Variants in MITF observed in about 807,000 individuals in gnomAD.
The protein encoded by MITF is melanocyte inducing transcription factor, also known as microphthalmia-associated transcription factor.
MITF carries 17 observed loss-of-function variants against 60.5 expected under a neutral mutation model. The ratio of observed to expected loss-of-function variants is 0.28; its 90% CI spans 0.19 to 0.42. The LOEUF is 0.42. MITF is among the 10% of genes least tolerant of loss of function. The probability of loss-of-function intolerance (pLI) is 1.00; values close to 1 mark genes in which losing one functional copy is unlikely to be tolerated. For missense variants in MITF, 622 were observed against 683.5 expected, an observed-to-expected ratio of 0.91 and a Z score of 1.00; for synonymous variants, 260 against 248.5, an observed-to-expected ratio of 1.05 and a Z score of -0.43.
At chr3:69,904,969 GT>G (rs1340635284) in intron 2 of MITF, among the ~76,000 whole-genome samples, 1 of 152,108 alleles carries the variant, frequency 6.6e-6, no homozygotes, top group Non-Finnish European at 1.5e-5. Context: ...ATTTTTAAAA[GT>G]TTTATTGAAG....
intron 1 of MITF, among the ~76,000 whole-genome samples, chr3:69,821,283 A>T (rs2063266963): frequency 6.6e-6 from 1 of 152,190 alleles, no homozygotes; most frequent in African/African-American, 2.4e-5. Context: ...ATACACATTA[A>T]ATGGGTTATA....
chr3:69,789,093 G>T (rs2062698295), intron 1 of MITF, among the ~76,000 whole-genome samples: 1 of 151,952 alleles, frequency 6.6e-6, no homozygotes, highest in Non-Finnish European at 1.5e-5. Flanking sequence ...AATTGACATA[G>T]GACAGTCTTC....
At chr3:69,776,052 A>G (rs537037649) in intron 1 of MITF, among the ~76,000 whole-genome samples, 82 of 152,346 alleles carry the variant, frequency 5.4e-4, no homozygotes, top group African/African-American at 1.9e-3. Context: ...GAAGAGTTTT[A>G]AAGAGGTGGA....
intron 2 of MITF, among the ~76,000 whole-genome samples, chr3:69,921,542 C>A (rs2065468382): frequency 6.6e-6 from 1 of 152,164 alleles, no homozygotes. Context: ...CTGTCCAGAA[C>A]TCAAATCAGT....
At chr3:69,901,019 A>T (rs889021040) in intron 2 of MITF, among the ~76,000 whole-genome samples, 6 of 152,058 alleles carry the variant, frequency 3.9e-5, no homozygotes, top group Admixed American at 3.3e-4. Context: ...AAACAAAAAA[A>T]ACCTATGAGG....
intron 1 of MITF, among the ~76,000 whole-genome samples, chr3:69,853,977 G>A (rs1236723339): frequency 6.6e-6 from 1 of 151,030 alleles, no homozygotes; most frequent in African/African-American, 2.4e-5. Context: ...TCTCCTGCCA[G>A]TAGCTGGGAT....
rs540371498 is a variant in MITF, at chr3:69,881,930, A to G, written c.354+2547A>G. The stretch of plus-strand genomic sequence containing the variant: ...TTCTCAGTGGAGGTAGATGTATACA[A>G]TTAGTCACACTTGCATGCACTAGAG... On this transcript the variant is annotated intron_variant, in intron 2 of 9. Coordinates refer to ENST00000352241, the MANE Select transcript of MITF (RefSeq NM_001354604.2). Among the ~76,000 whole-genome samples, 11 of 152,266 alleles carry G rather than the reference A, an allele frequency of 7.2e-5. No homozygotes were observed. The East Asian group carries it at 7.7e-4, about 11-fold the overall frequency.
At chr3:69,795,977 T>C (rs1293236972) in intron 1 of MITF, among the ~76,000 whole-genome samples, 1 of 152,184 alleles carries the variant, frequency 6.6e-6, no homozygotes, top group African/African-American at 2.4e-5. Context: ...AATCTTTTGT[T>C]GCTATTTTTG....
chr3:69,838,035 G>A (rs1300250615), intron 1 of MITF, among the ~76,000 whole-genome samples: 2 of 152,108 alleles, frequency 1.3e-5, no homozygotes, highest in Non-Finnish European at 2.9e-5. Flanking sequence ...GATTAGATGG[G>A]GAGATAGTGA....
intron 1 of MITF, among the ~76,000 whole-genome samples, chr3:69,802,853 A>C (rs1038598671): frequency 2.0e-5 from 3 of 151,558 alleles, no homozygotes; most frequent in Non-Finnish European, 4.4e-5. Flanking sequence ...CACCATGCCT[A>C]GCTAATTTTG....
At position 69,966,956 on chromosome 3, in the gene MITF, T is replaced by C. The variant is rs770934959; in HGVS notation, c.*1708T>C. 8.6e-6 allele frequency: 2 copies of C among 232,372 alleles called. No individual in the cohort carries two copies. Among genetic ancestry groups the C allele is most frequent in the Non-Finnish European group, 1.7e-5 (2 of 117,346 alleles). The allele number at this position is 232,372 out of a possible 1,614,324, so 14.4% of individuals were successfully genotyped here. A position where few individuals can be genotyped will look rare whatever the true frequency, so the allele number is the denominator to read the frequency against. On this transcript the variant is annotated 3_prime_UTR_variant, in exon 10 of 10. Coordinates refer to ENST00000352241, the MANE Select transcript of MITF (RefSeq NM_001354604.2). Reference sequence around the variant, plus strand: ...TAGCATGGTGCCTATGTAGACAATATAAGAGCTTCCAATTTTCCTTCAGAT... The same window carrying C: ...TAGCATGGTGCCTATGTAGACAATACAAGAGCTTCCAATTTTCCTTCAGAT...
chr3:69,741,953 G>C (rs1013306885), intron 1 of MITF, among the ~76,000 whole-genome samples: 8 of 152,162 alleles, frequency 5.3e-5, no homozygotes, highest in African/African-American at 1.7e-4. Flanking sequence ...ATTGATATGT[G>C]AAGACTGCTG....
chr3:69,939,200 G>C lies in MITF; in HGVS notation c.666+19G>C. 1 of 1,604,334 alleles carries C rather than the reference G, an allele frequency of 6.2e-7. No individual in the cohort carries two copies. Among genetic ancestry groups the C allele is most frequent in the Non-Finnish European group, 8.5e-7 (1 of 1,171,510 alleles). On this transcript the variant is annotated intron_variant, in intron 4 of 9. Transcript: ENST00000352241. ...TATGCAGGTACTGAATGACTTGGCAGCCTGAGGATGAACACTTTGTAATGA... is the reference window on the plus strand; with the variant it reads ...TATGCAGGTACTGAATGACTTGGCACCCTGAGGATGAACACTTTGTAATGA...
At chr3:69,938,220 G>A in intron 3 of MITF, 171 bp downstream of exon 3, 8 of 1,114,872 alleles carry the variant, frequency 7.2e-6, no homozygotes, top group East Asian at 2.6e-5. Flanking sequence ...TGTCTCCATC[G>A]CTGGGTTATT....
intron 1 of MITF, chr3:69,758,741 T>C: frequency 4.8e-6 from 1 of 207,518 alleles, no homozygotes; most frequent in Non-Finnish European, 9.8e-6. Flanking sequence ...GAAGTGTTTC[T>C]GGTGTGCTAG....
At chr3:69,795,013 G>C (rs1437812955) in intron 1 of MITF, among the ~76,000 whole-genome samples, 1 of 152,108 alleles carries the variant, frequency 6.6e-6, no homozygotes, top group Non-Finnish European at 1.5e-5. Context: ...CATTATGGTG[G>C]GCATTTGGGT....
intron 1 of MITF, among the ~76,000 whole-genome samples, chr3:69,791,113 G>A (rs979517986): frequency 6.6e-6 from 1 of 152,060 alleles, no homozygotes; most frequent in African/African-American, 2.4e-5. Flanking sequence ...TTGCCATTTT[G>A]CGTACAGCAA....
At chr3:69,788,941 A>G (rs1265059986) in intron 1 of MITF, among the ~76,000 whole-genome samples, 1 of 152,148 alleles carries the variant, frequency 6.6e-6, no homozygotes, top group Non-Finnish European at 1.5e-5. Context: ...ACAAATATTA[A>G]CTCAAGATGG....
chr3:69,945,186 C>T (rs543714702), intron 5 of MITF, among the ~76,000 whole-genome samples: 3 of 152,208 alleles, frequency 2.0e-5, no homozygotes, highest in Admixed American at 1.3e-4. Flanking sequence ...AAAATAATAA[C>T]GTTTTACAAT....
Sources: gnomAD v4.1 joint callset for allele counts (sites outside exome capture counted in the v4.1 genomes callset) on GRCh38, gnomAD v4.1.1 for gene constraint, MANE v1.5 for transcripts, NCBI Gene and HGNC (gene_info 2026-07-23, HGNC 2026-07-21) for gene names.